Variants in KDM6A observed in about 807,000 individuals in gnomAD.
KDM6A encodes lysine demethylase 6A.
A neutral mutation model predicts 117.6 loss-of-function variants in KDM6A; 11 were observed. The ratio of observed to expected loss-of-function variants is 0.09; its 90% CI spans 0.06 to 0.15. The LOEUF (loss-of-function observed/expected upper bound fraction) is 0.15. Ranked by LOEUF, KDM6A falls within the 10% of genes least tolerant of loss-of-function variation. The probability of loss-of-function intolerance (pLI) is 1.00; values close to 1 mark genes in which losing one functional copy is unlikely to be tolerated. For synonymous variants in KDM6A, 384 were observed against 396.1 expected (o/e 0.97, Z 0.36); for missense variants, 799 against 1,077.3 (o/e 0.74, Z 3.62).
chrX:44,979,224 G>C (rs912838432), intron 4 of KDM6A, among the ~76,000 whole-genome samples: 1 of 111,744 alleles, frequency 8.9e-6, no homozygotes, highest in Admixed American at 9.5e-5. Context: ...GTTAGCACTT[G>C]GTATTGTCAG....
At chrX:44,913,120 GCTC>G (rs1351473997) in intron 2 of KDM6A, among the ~76,000 whole-genome samples, 4 of 111,371 alleles carry the variant, frequency 3.6e-5, no homozygotes, top group East Asian at 2.8e-4. Context: ...TTCTCTTTCT[GCTC>G]CTCCTCCTCT....
intron 27 of KDM6A, among the ~76,000 whole-genome samples, chrX:45,103,877 C>G (rs5952680): frequency 4.5e-5 from 5 of 112,037 alleles, no homozygotes; most frequent in Non-Finnish European, 7.5e-5. Context: ...GATCCTTAAA[C>G]GTCAAAGAAT....
chrX:44,920,795 A>G (rs978489056), intron 2 of KDM6A, among the ~76,000 whole-genome samples: 1 of 109,771 alleles, frequency 9.1e-6, no homozygotes, highest in Admixed American at 9.7e-5. Flanking sequence ...GAGCAAGCAT[A>G]TAGTTAGGTC....
chrX:45,061,719 T>C (rs771766344), intron 15 of KDM6A, among the ~76,000 whole-genome samples: 1 of 109,265 alleles, frequency 9.2e-6, no homozygotes, highest in East Asian at 2.9e-4. Context: ...CTTGCACTCC[T>C]GACCTCAAGT....
At chrX:44,886,582 C>G (rs991163988) in intron 2 of KDM6A, among the ~76,000 whole-genome samples, 4 of 107,173 alleles carry the variant, frequency 3.7e-5, no homozygotes, top group Non-Finnish European at 5.8e-5. Context: ...TTCTGCCTCC[C>G]GGGTTCAAGC....
chrX:44,906,322 T>A (rs1049026663), intron 2 of KDM6A, among the ~76,000 whole-genome samples: 6 of 110,263 alleles, frequency 5.4e-5, no homozygotes, highest in African/African-American at 1.7e-4. Context: ...TAATTTTTTT[T>A]AAATGTTTAG....
At chrX:44,880,516 C>A (rs779938950) in intron 2 of KDM6A, among the ~76,000 whole-genome samples, 5 of 107,032 alleles carry the variant, frequency 4.7e-5, no homozygotes, top group Admixed American at 2.0e-4. Context: ...TAAGGCCAGG[C>A]GTGGTGGCTC....
At position 45,069,675 on chromosome X, in the gene KDM6A, T is replaced by G. The variant is rs1293094828; in HGVS notation, c.2176T>G (p.Ser726Ala). Residue 726 changes from serine (S) to alanine (A), a missense_variant, in exon 18 of 30, where the codon TCT (serine) becomes GCT (alanine). Physicochemically the swap from Ser to Ala is moderately conservative, Grantham distance 99. Around this residue, in one of 8 missense-constraint regions of KDM6A, gnomAD observed 301 missense variants for 318.3 expected, o/e 0.95. Transcript: ENST00000611820. Reference protein sequence around the residue: ...GPSQHLQAAGSGIQNQNGHPT... With the variant: ...GPSQHLQAAGAGIQNQNGHPT... ...TTCCCAGCATCTCCAGGCAGCTGGC[T>G]CTGGTATTCAGAATCAGAACGGACA... The G allele has an allele frequency of 8.3e-7, 1 of 1,208,212 alleles. No homozygotes were observed. The highest frequency in any genetic ancestry group is 1.1e-6 in the Non-Finnish European group (1 of 894,322).
chrX:44,970,436 G>A (rs1479729128), intron 3 of KDM6A, among the ~76,000 whole-genome samples: 5 of 109,734 alleles, frequency 4.6e-5, no homozygotes, highest in African/African-American at 6.6e-5. Flanking sequence ...GGGTTTTTTT[G>A]TAACATCTTT....
In KDM6A at chrX:45,037,618, T is replaced by C. The variant is rs769602727; in HGVS notation, c.620-37T>C. 33 of 1,156,097 alleles carry C rather than the reference T, an allele frequency of 2.9e-5. No homozygotes were observed. In the Admixed American group the frequency reaches 7.2e-4, roughly 25 times the overall value. On this transcript the variant is annotated intron_variant, in intron 7 of 29. Coordinates refer to ENST00000611820, the MANE Select transcript of KDM6A (RefSeq NM_001291415.2). ...TAATTTGCCCCAAATTCTGCTGTAT[T>C]GTTACTGATTTTTTTGTCTTTCCTC...
rs2148117650 is a variant in KDM6A at position 45,079,143 on chromosome X, A to G, written c.3095-3A>G. The G allele has an allele frequency of 1.7e-6, 2 of 1,185,927 alleles. No individual in the cohort carries two copies. The highest frequency in any genetic ancestry group is 2.3e-6 in the Non-Finnish European group (2 of 872,169). ...TTTTAACTACATTTATGTATTCATG[A>G]AGACCTGGGACTTTTCTCTACTAAA... On this transcript the variant is annotated splice_polypyrimidine_tract_variant and splice_region_variant and intron_variant, in intron 20 of 29. Coordinates refer to ENST00000611820, the MANE Select transcript of KDM6A (RefSeq NM_001291415.2).
intron 5 of KDM6A, among the ~76,000 whole-genome samples, chrX:45,019,954 G>A (rs1209810344): frequency 1.8e-5 from 2 of 111,505 alleles, no homozygotes; most frequent in African/African-American, 6.5e-5. Flanking sequence ...TGAACTGATA[G>A]ACGAAGAAAA....
At chrX:45,083,831 G>A (rs544613857) in intron 24 of KDM6A, among the ~76,000 whole-genome samples, 11 of 111,423 alleles carry the variant, frequency 9.9e-5, no homozygotes, top group African/African-American at 2.6e-4. Context: ...CTGGAAAGGG[G>A]TCATTGGAGC....
chrX:44,984,691 T>C (rs1200303874), intron 4 of KDM6A, among the ~76,000 whole-genome samples: 13 of 111,826 alleles, frequency 1.2e-4, no homozygotes, highest in African/African-American at 4.2e-4. Context: ...TTGCTTGTTT[T>C]TCTCAGGTTT....
chrX:44,879,449 T>G (rs2032032972), intron 2 of KDM6A, among the ~76,000 whole-genome samples: 1 of 112,528 alleles, frequency 8.9e-6, no homozygotes, highest in African/African-American at 3.2e-5. Context: ...TAAAGTTTAT[T>G]TAATGAATGC....
At chrX:45,106,087 C>G (rs1285378176) in intron 27 of KDM6A, among the ~76,000 whole-genome samples, 2 of 110,698 alleles carry the variant, frequency 1.8e-5, no homozygotes, top group African/African-American at 3.3e-5. Context: ...GGTTGGGGAC[C>G]GCTGGTCTAA....
chrX:44,984,138 G>GC (rs1264656981), intron 4 of KDM6A, among the ~76,000 whole-genome samples: 11 of 109,873 alleles, frequency 1.0e-4, no homozygotes, highest in East Asian at 5.7e-4. Flanking sequence ...TTGTGGTTTT[G>GC]ATTTGCATTT....
Position 45,040,795 on chromosome X carries a change from G to T in KDM6A, c.654+3106G>T, listed in dbSNP as rs1401718526. 1.1e-4 allele frequency among the ~76,000 whole-genome samples: 9 copies of T among 80,586 alleles called. No individual in the cohort carries two copies. In the East Asian group the frequency reaches 2.6e-3, roughly 23 times the overall value. The allele number at this position is 80,586 out of a possible 115,157, so 70.0% of individuals were successfully genotyped here. Reference sequence around the variant, plus strand: ...GGCTGACCCCCCCAACCTCCCTCCCGGACGGGGCGGCTGGCCGGGCGGGGG... The same window carrying T: ...GGCTGACCCCCCCAACCTCCCTCCCTGACGGGGCGGCTGGCCGGGCGGGGG... On this transcript the variant is annotated intron_variant, in intron 8 of 29. Coordinates refer to ENST00000611820, the MANE Select transcript of KDM6A (RefSeq NM_001291415.2).
intron 5 of KDM6A, among the ~76,000 whole-genome samples, chrX:45,019,744 A>C (rs1305344402): frequency 9.0e-6 from 1 of 111,698 alleles, no homozygotes; most frequent in Non-Finnish European, 1.9e-5. Flanking sequence ...TATCTGATAT[A>C]ACCTTCAAAA....
Sources: gnomAD v4.1 joint callset for allele counts (sites outside exome capture counted in the v4.1 genomes callset) on GRCh38, gnomAD v4.1.1 for gene constraint, gnomAD v4.1.1 regional missense constraint, MANE v1.5 for transcripts, NCBI Gene and HGNC (gene_info 2026-07-23, HGNC 2026-07-21) for gene names.